SLC6A15: variants seen among roughly 807,000 people sequenced by gnomAD.
SLC6A15 encodes the protein solute carrier family 6 member 15.
Under a neutral mutation model 68.5 loss-of-function variants are expected in SLC6A15, and 33 were observed. The ratio of observed to expected loss-of-function variants is 0.48; its 90% CI spans 0.37 to 0.64. The LOEUF (loss-of-function observed/expected upper bound fraction) is 0.64, where lower values mean the gene tolerates loss of function less well. Among genes scored for constraint, SLC6A15 ranks in the 30% least tolerant of loss-of-function variants. The probability of loss-of-function intolerance (pLI) is 0.00; values close to 1 mark genes in which losing one functional copy is unlikely to be tolerated. For synonymous variants in SLC6A15, 347 were observed against 301.0 expected (o/e 1.15, Z -1.58); for missense variants, 747 against 874.3 (o/e 0.85, Z 1.84).
chr12:84,882,296 A>C, intron 5 of SLC6A15: 1 of 985,378 alleles, frequency 1.0e-6, no homozygotes, highest in Non-Finnish European at 1.2e-6. Flanking sequence ...ATGTGACGGG[A>C]ATGTGGCTCT....
At chr12:84,865,326 A>G (rs1032621095) in intron 10 of SLC6A15, among the ~76,000 whole-genome samples, 12 of 152,200 alleles carry the variant, frequency 7.9e-5, no homozygotes, top group African/African-American at 2.9e-4. Context: ...TTAGGTTCAC[A>G]GCAAAATTGA....
chr12:84,884,437 C>T (rs1871982873), intron 4 of SLC6A15, among the ~76,000 whole-genome samples: 1 of 152,042 alleles, frequency 6.6e-6, no homozygotes, highest in African/African-American at 2.4e-5. Flanking sequence ...TCCCAAGTAG[C>T]TGGGATTATA....
chr12:84,873,193 C>T lies in SLC6A15; in HGVS notation c.1003G>A (p.Val335Ile). Residue 335 changes from valine to isoleucine, a missense_variant, in exon 7 of 12, where the codon GTC (valine) becomes ATC (isoleucine). Physicochemically the swap from Val to Ile is conservative, Grantham distance 29. Coordinates refer to ENST00000266682, the MANE Select transcript of SLC6A15 (RefSeq NM_182767.6). Reference protein sequence around the residue: ...KRDNNCHFDAVLVSFINFFTS... With the variant: ...KRDNNCHFDAILVSFINFFTS... ...AAAAAATTGATGAAGGACACCAGGA[C>T]AGCATCAAAGTGGCAGTTGTTGTCT... 1 of 1,614,106 alleles carries T rather than the reference C, an allele frequency of 6.2e-7. No individual in the cohort carries two copies. The highest frequency in any genetic ancestry group is 8.5e-7 in the Non-Finnish European group (1 of 1,179,994).
At chr12:84,903,871 G>T (rs1293990741) in intron 1 of SLC6A15, among the ~76,000 whole-genome samples, 1 of 151,996 alleles carries the variant, frequency 6.6e-6, no homozygotes, top group Admixed American at 6.6e-5. Context: ...TCTTTAGGAG[G>T]CATATACTAT....
chr12:84,886,590 GA>G lies in SLC6A15; in HGVS notation c.290-523del, dbSNP rs1249613761. ...AGAAACGTCTGCTTAGACTGAAAAA[GA>G]AAAAAAAAAAACAGCAACATAACTT... On this transcript the variant is annotated intron_variant, in intron 2 of 11. Coordinates refer to ENST00000266682, the MANE Select transcript of SLC6A15 (RefSeq NM_182767.6). Among the ~76,000 whole-genome samples, 78 of 126,340 alleles carry G rather than the reference GA, an allele frequency of 6.2e-4. 1 individual carries two copies. Among genetic ancestry groups the G allele is most frequent in the East Asian group, 2.5e-3 (10 of 4,040 alleles). The allele number at this position is 126,340 out of a possible 152,430, so 82.9% of individuals were successfully genotyped here.
rs926498090 is a variant in SLC6A15, at chr12:84,881,788, C to G, written c.756+2071G>C. ...TTCTGTTTAGTAGGTAAACACAAAG[C>G]TTAACCTTTAATTCCTCATAAAGTC... On this transcript the variant is annotated intron_variant, in intron 5 of 11. Transcript: ENST00000266682. 6.3e-6 allele frequency: 6 copies of G among 945,880 alleles called. No homozygotes were observed. In the African/African-American group the frequency reaches 1.1e-4, roughly 17 times the overall value. The allele number at this position is 945,880 out of a possible 1,614,324, so 58.6% of individuals were successfully genotyped here.
intron 1 of SLC6A15, among the ~76,000 whole-genome samples, chr12:84,895,378 C>T (rs1872599029): frequency 1.0e-5 from 1 of 95,476 alleles, no homozygotes; most frequent in African/African-American, 4.5e-5. Context: ...GAGATGGAGT[C>T]TCACTCTGTC....
At chr12:84,896,578 T>G (rs903463238) in intron 1 of SLC6A15, among the ~76,000 whole-genome samples, 1 of 152,222 alleles carries the variant, frequency 6.6e-6, no homozygotes, top group African/African-American at 2.4e-5. Context: ...TCACTCAATT[T>G]GTATGGCACT....
intron 10 of SLC6A15, among the ~76,000 whole-genome samples, chr12:84,866,708 A>G (rs1227628734): frequency 6.6e-6 from 1 of 152,164 alleles, no homozygotes; most frequent in African/African-American, 2.4e-5. Context: ...TGAAATGTAG[A>G]TAACAATAAA....
intron 1 of SLC6A15, among the ~76,000 whole-genome samples, chr12:84,904,839 C>T (rs1873062686): frequency 6.6e-6 from 1 of 152,108 alleles, no homozygotes; most frequent in Non-Finnish European, 1.5e-5. Context: ...GAGGTGTAAC[C>T]AATCAGTTCC....
At chr12:84,894,220 C>A (rs1031443321) in intron 1 of SLC6A15, among the ~76,000 whole-genome samples, 1 of 151,976 alleles carries the variant, frequency 6.6e-6, no homozygotes, top group Non-Finnish European at 1.5e-5. Flanking sequence ...AAGAAAACAA[C>A]CTGACATATA....
intron 5 of SLC6A15, chr12:84,883,650 A>T (rs1871933446): frequency 6.8e-7 from 1 of 1,466,924 alleles, no homozygotes; most frequent in African/African-American, 1.4e-5. Flanking sequence ...GATTATAATT[A>T]ACCTTAGATT....
intron 1 of SLC6A15, among the ~76,000 whole-genome samples, chr12:84,898,020 T>C (rs545135280): frequency 6.6e-6 from 1 of 152,318 alleles, no homozygotes; most frequent in African/African-American, 2.4e-5. Flanking sequence ...TATGCTCATC[T>C]TTCATGTAGG....
intron 1 of SLC6A15, among the ~76,000 whole-genome samples, chr12:84,909,236 G>A (rs1441084281): frequency 1.3e-5 from 2 of 152,042 alleles, no homozygotes; most frequent in Non-Finnish European, 2.9e-5. Flanking sequence ...AGTTCCCAAA[G>A]TATGCATTCT....
intron 5 of SLC6A15, chr12:84,882,971 T>C (rs1001670110): frequency 2.1e-6 from 2 of 957,126 alleles, no homozygotes; most frequent in African/African-American, 3.5e-5. Flanking sequence ...ACTACTACTA[T>C]TGCCATTCCT....
chr12:84,861,551 T>A lies in SLC6A15; in HGVS notation c.*81A>T. ...ACACCTGAGATTGCCCTCTGATAAG[T>A]GAAGCCTAATGCTTCTCCTACTAGG... On this transcript the variant is annotated 3_prime_UTR_variant, in exon 12 of 12. Transcript: ENST00000266682. The A allele has an allele frequency of 6.8e-7, 1 of 1,476,278 alleles. No individual in the cohort carries two copies. 91.4% of individuals were successfully genotyped at this position (1,476,278 alleles called of 1,614,324 possible). A position where few individuals can be genotyped will look rare whatever the true frequency, so the allele number is the denominator to read the frequency against.
At chr12:84,882,004 A>C (rs1249314884) in intron 5 of SLC6A15, 1 of 979,392 alleles carries the variant, frequency 1.0e-6, no homozygotes, top group Non-Finnish European at 1.2e-6. Flanking sequence ...TATGTACTAA[A>C]TAAATTGTAT....
rs932309824 is a variant in SLC6A15, at chr12:84,912,545, G to C, written c.-211C>G. 1 of 152,432 alleles carries C rather than the reference G, an allele frequency of 6.6e-6. No homozygotes were observed. Among genetic ancestry groups the C allele is most frequent in the Non-Finnish European group, 1.5e-5 (1 of 68,260 alleles). The allele number at this position is 152,432 out of a possible 1,614,324, so 9.4% of individuals were successfully genotyped here. On this transcript the variant is annotated 5_prime_UTR_variant, in exon 1 of 12. Transcript: ENST00000266682. ...TACCGTCAGTGTGTCTTGACCAAGCGCCTCTTGCTGCTTCCACGTCCGGGC... is the reference window on the plus strand; with the variant it reads ...TACCGTCAGTGTGTCTTGACCAAGCCCCTCTTGCTGCTTCCACGTCCGGGC...
chr12:84,863,597 T>G lies in SLC6A15; in HGVS notation c.1660A>C (p.Met554Leu). 1.3e-6 allele frequency: 2 copies of G among 1,523,138 alleles called. No homozygotes were observed. Among genetic ancestry groups the G allele is most frequent in the Non-Finnish European group, 1.7e-6 (2 of 1,143,280 alleles). The allele number at this position is 1,523,138 out of a possible 1,614,324, so 94.4% of individuals were successfully genotyped here. ...CCCAGCATATCTTTTAGGTCTTCCA[T>G]AAACCTGAATAAAAAGAAAGTATTT... ...VCFVYGIDKF[M>L]EDLKDMLGFA... The change falls in exon 11 of 12, where the codon ATG becomes CTG. Residue 554 changes from methionine (M) to leucine (L), a missense_variant. Coordinates refer to ENST00000266682, the MANE Select transcript of SLC6A15 (RefSeq NM_182767.6).
Sources: allele counts gnomAD v4.1 joint callset (sites outside exome capture counted in the v4.1 genomes callset), GRCh38; gene constraint gnomAD v4.1.1; transcripts MANE v1.5; gene names NCBI Gene and HGNC (gene_info 2026-07-23, HGNC 2026-07-21).